Variants in TOX2 observed in about 807,000 individuals in gnomAD.
TOX2 encodes granulosa cell HMG box 1.
In TOX2, 15 loss-of-function variants were observed where a neutral mutation model predicts 47.4. The observed-to-expected ratio is 0.32, with a 90% confidence interval of 0.21 to 0.49. TOX2 has a LOEUF of 0.49. Ranked by LOEUF, TOX2 falls within the 20% of genes least tolerant of loss-of-function variation. The probability of loss-of-function intolerance (pLI) is 0.99; values close to 1 mark genes in which losing one functional copy is unlikely to be tolerated. For synonymous variants in TOX2, 290 were observed against 296.6 expected, an observed-to-expected ratio of 0.98 and a Z score of 0.23; for missense variants, 622 against 673.1, an observed-to-expected ratio of 0.92 and a Z score of 0.84.
chr20:44,002,498 C>A (rs975782558), intron 2 of TOX2, among the ~76,000 whole-genome samples: 1 of 152,164 alleles, frequency 6.6e-6, no homozygotes, highest in Admixed American at 6.5e-5. Flanking sequence ...TTATAGCAGC[C>A]CTGTAGATAC....
chr20:44,016,910 T>G (rs1482963718), intron 3 of TOX2, among the ~76,000 whole-genome samples: 1 of 152,200 alleles, frequency 6.6e-6, no homozygotes. Context: ...TTTAACGAAA[T>G]ATTTTGAAAA....
rs549204372 is a variant in TOX2, at chr20:44,015,650, G to A, written c.411+8858G>A. On this transcript the variant is annotated intron_variant, in intron 3 of 8. Coordinates refer to ENST00000341197, the MANE Select transcript of TOX2 (RefSeq NM_001098797.2). ...TTCTTTTATTATCTCAGGGGGAAAT[G>A]GCCTTTTACTGGAACATTATGATGT... Among the ~76,000 whole-genome samples, 35 of 152,300 alleles carry A rather than the reference G, an allele frequency of 2.3e-4. No homozygotes were observed. In the South Asian group the frequency reaches 7.0e-3, roughly 31 times the overall value.
chr20:43,945,810 G>T, intron 1 of TOX2: 1 of 1,499,994 alleles, frequency 6.7e-7, no homozygotes, highest in Non-Finnish European at 9.1e-7. Flanking sequence ...AATGGGATGG[G>T]GGGTGGGGGT....
chr20:44,065,217 C>T (rs1237995275), intron 6 of TOX2, among the ~76,000 whole-genome samples: 1 of 152,212 alleles, frequency 6.6e-6, no homozygotes, highest in Non-Finnish European at 1.5e-5. Context: ...CAAAATATGG[C>T]ACCTCCTCAC....
intron 3 of TOX2, among the ~76,000 whole-genome samples, chr20:44,023,695 C>T (rs921270481): frequency 2.0e-5 from 3 of 152,198 alleles, no homozygotes; most frequent in African/African-American, 7.2e-5. Context: ...GCTCAGGGAG[C>T]CGAGGAGCTG....
At chr20:43,990,528 T>C (rs920907932) in intron 2 of TOX2, among the ~76,000 whole-genome samples, 1 of 152,252 alleles carries the variant, frequency 6.6e-6, no homozygotes, top group East Asian at 1.9e-4. Context: ...ATTGTGGAAG[T>C]CCTCTCAATG....
Position 43,932,778 on chromosome 20 carries a change from C to A in TOX2, c.99+17788C>A, listed in dbSNP as rs572964982. On this transcript the variant is annotated intron_variant, in intron 1 of 8. Transcript: ENST00000341197. ...AGGGGTTGGAGAGGGGTTGCTGCCC[C>A]CCCCCGCCATTTCTGACTGAGGGCA... 1.2e-3 allele frequency among the ~76,000 whole-genome samples: 170 copies of A among 139,654 alleles called. 1 individual carries two copies. Among genetic ancestry groups the A allele is most frequent in the Non-Finnish European group, 1.1e-3 (73 of 67,204 alleles). 91.6% of individuals were successfully genotyped at this position (139,654 alleles called of 152,430 possible).
intron 2 of TOX2, among the ~76,000 whole-genome samples, chr20:43,993,210 T>TAA (rs78719849): frequency 0.19 from 29,203 of 151,964 alleles, 3,322 homozygotes; most frequent in African/African-American, 0.3. Flanking sequence ...ATCCTGAGCG[T>TAA]AGAGGACATC....
At position 44,006,573 on chromosome 20, in the gene TOX2, C is replaced by A. The variant is rs765009016; in HGVS notation, c.192C>A (p.Asn64Lys). The change falls in exon 3 of 9, where the codon AAC becomes AAA. Residue 64 changes from asparagine (N) to lysine (K), a missense_variant. By Grantham distance (94) the Asn-to-Lys change is moderately conservative. Transcript: ENST00000341197. ...CCTACAACGGCCAGAGCGAGAACAA[C>A]GAAGACTATGAGATCCCCCCGATAA... The part of the protein sequence containing the change: ...SQTYNGQSEN[N>K]EDYEIPPITP... 6.2e-7 allele frequency: 1 copy of A among 1,613,734 alleles called. No homozygotes were observed. Among genetic ancestry groups the A allele is most frequent in the Admixed American group, 1.7e-5 (1 of 60,004 alleles).
At chr20:43,955,480 C>T (rs1161143598) in intron 1 of TOX2, among the ~76,000 whole-genome samples, 1 of 152,178 alleles carries the variant, frequency 6.6e-6, no homozygotes, top group Non-Finnish European at 1.5e-5. Flanking sequence ...CCGAGGTACT[C>T]AGACATTTCT....
At chr20:43,934,875 G>A (rs2069304612) in intron 1 of TOX2, among the ~76,000 whole-genome samples, 1 of 151,758 alleles carries the variant, frequency 6.6e-6, no homozygotes, top group Admixed American at 6.6e-5. Context: ...GACCCTTTCT[G>A]TAGACCATTT....
Position 44,006,564 on chromosome 20 carries a change from C to G in TOX2, c.183C>G (p.Ser61Arg), listed in dbSNP as rs539169500. 6.2e-7 allele frequency: 1 copy of G among 1,613,318 alleles called. No individual in the cohort carries two copies. The highest frequency in any genetic ancestry group is 2.2e-5 in the East Asian group (1 of 44,888). Residue 61 changes from serine (S) to arginine (R), a missense_variant, in exon 3 of 9, where the codon AGC becomes AGG. This residue lies in a region of TOX2 where 307 missense variants were observed against 327.3 expected (regional missense o/e 0.94). Coordinates refer to ENST00000341197, the MANE Select transcript of TOX2 (RefSeq NM_001098797.2). ...TGTTTTAGACCTACAACGGCCAGAG[C>G]GAGAACAACGAAGACTATGAGATCC... Reference protein sequence around the residue: ...LSTSQTYNGQSENNEDYEIPP... With the variant: ...LSTSQTYNGQRENNEDYEIPP...
At chr20:43,979,024 G>A (rs1315570701) in intron 2 of TOX2, among the ~76,000 whole-genome samples, 3 of 152,118 alleles carry the variant, frequency 2.0e-5, no homozygotes, top group Non-Finnish European at 4.4e-5. Flanking sequence ...AAACGGAGGG[G>A]TAAAGGATGA....
At chr20:44,040,596 G>A (rs141610929) in intron 3 of TOX2, among the ~76,000 whole-genome samples, 294 of 152,286 alleles carry the variant, frequency 1.9e-3, no homozygotes, top group African/African-American at 6.6e-3. Flanking sequence ...ATTATATTCC[G>A]CCTCCTGTAT....
At chr20:44,039,414 G>A (rs1311034346) in intron 3 of TOX2, among the ~76,000 whole-genome samples, 1 of 152,178 alleles carries the variant, frequency 6.6e-6, no homozygotes, top group Non-Finnish European at 1.5e-5. Flanking sequence ...CTGAGAGATG[G>A]AGAGCAGGGA....
intron 1 of TOX2, among the ~76,000 whole-genome samples, chr20:43,926,433 C>T (rs1124701): frequency 0.09 from 13,709 of 152,210 alleles, 807 homozygotes; most frequent in East Asian, 0.22. Flanking sequence ...GTCACTTAGC[C>T]TCTCTGAGTC....
chr20:44,015,052 G>A (rs1369632391), intron 3 of TOX2, among the ~76,000 whole-genome samples: 1 of 152,152 alleles, frequency 6.6e-6, no homozygotes, highest in African/African-American at 2.4e-5. Flanking sequence ...GGGGTTACCA[G>A]GGGCACCTCC....
intron 1 of TOX2, chr20:43,946,189 G>A (rs2069467786): frequency 1.6e-6 from 2 of 1,257,704 alleles, no homozygotes; most frequent in Admixed American, 5.1e-5. Context: ...GGGGCCAGGA[G>A]GCCTGCAGTT....
chr20:44,027,695 A>G (rs560528433), intron 3 of TOX2, among the ~76,000 whole-genome samples: 1 of 152,318 alleles, frequency 6.6e-6, no homozygotes, highest in African/African-American at 2.4e-5. Context: ...GCCAGTGCCT[A>G]GGTGCTTGGG....
Sources: gnomAD v4.1 joint callset for allele counts (sites outside exome capture counted in the v4.1 genomes callset) on GRCh38, gnomAD v4.1.1 for gene constraint, gnomAD v4.1.1 regional missense constraint, MANE v1.5 for transcripts, NCBI Gene and HGNC (gene_info 2026-07-23, HGNC 2026-07-21) for gene names.